The following SCAF8 variants were observed in gnomAD, a reference collection of about 807,000 sequenced individuals.
SCAF8 encodes the protein SR-related and CTD-associated factor 8.
A neutral mutation model predicts 140.5 loss-of-function variants in SCAF8; 23 were observed. The ratio of observed to expected loss-of-function variants is 0.16; its 90% CI spans 0.12 to 0.23. The LOEUF is 0.23. SCAF8 is among the 10% of genes least tolerant of loss of function. SCAF8 has a pLI of 1.00. For synonymous variants in SCAF8, 575 were observed against 528.9 expected (o/e 1.09, Z -1.20); for missense variants, 1,397 against 1,555.7 (o/e 0.90, Z 1.72).
rs770200440 is a variant in SCAF8, at chr6:154,832,900, A to G, written c.3321A>G (p.Leu1107=). The G allele has an allele frequency of 3.1e-6, 5 of 1,613,952 alleles. No homozygotes were observed. Among genetic ancestry groups the G allele is most frequent in the African/African-American group, 1.3e-5 (1 of 74,904 alleles). The change falls in exon 20 of 20, where the codon CTA becomes CTG. Residue 1107 remains leucine (L), a synonymous_variant. Transcript: ENST00000367178. Reference sequence around the variant, plus strand: ...TTGATGAGAGAGAGCATCGGGTTCTACCGGTCTATGGTGGTCCAAAAGGCT... The same window carrying G: ...TTGATGAGAGAGAGCATCGGGTTCTGCCGGTCTATGGTGGTCCAAAAGGCT... ...GDFDEREHRV[L]PVYGGPKGLH...
intron 3 of SCAF8, among the ~76,000 whole-genome samples, chr6:154,782,356 C>G (rs956689731): frequency 1.3e-5 from 2 of 152,148 alleles, no homozygotes; most frequent in Non-Finnish European, 2.9e-5. Flanking sequence ...GAAGTTGAGG[C>G]TGTAGTGAAC....
At chr6:154,742,051 C>T (rs1444531993) in intron 1 of SCAF8, 1 of 1,433,204 alleles carries the variant, frequency 7.0e-7, no homozygotes, top group Non-Finnish European at 9.5e-7. Context: ...AAGGCAGGCC[C>T]TTTGGAATAT....
At chr6:154,774,816 C>T (rs1776871972) in intron 2 of SCAF8, among the ~76,000 whole-genome samples, 1 of 152,122 alleles carries the variant, frequency 6.6e-6, no homozygotes, top group African/African-American at 2.4e-5. Flanking sequence ...GAGAAATAAA[C>T]ATATGCGCAA....
intron 4 of SCAF8, among the ~76,000 whole-genome samples, chr6:154,790,196 T>C (rs2114874388): frequency 6.6e-6 from 1 of 152,292 alleles, no homozygotes; most frequent in East Asian, 1.9e-4. Context: ...CTGGCCAGTT[T>C]TAAAGTATAT....
intron 1 of SCAF8, among the ~76,000 whole-genome samples, chr6:154,738,674 T>G (rs889032796): frequency 5.3e-5 from 8 of 152,234 alleles, no homozygotes; most frequent in Non-Finnish European, 2.9e-5. Flanking sequence ...CTATTGCAGT[T>G]GCTGCTGCTC....
At chr6:154,735,999 TA>T (rs1340543318) in intron 1 of SCAF8, among the ~76,000 whole-genome samples, 1 of 151,978 alleles carries the variant, frequency 6.6e-6, no homozygotes, top group African/African-American at 2.4e-5. Context: ...CCGTCATTTT[TA>T]TTTTTTATAG....
intron 3 of SCAF8, 49 bp downstream of exon 3, chr6:154,778,094 T>C (rs1442062473): frequency 1.9e-6 from 2 of 1,034,784 alleles, no homozygotes; most frequent in Non-Finnish European, 1.5e-6. Context: ...GATTAATGCC[T>C]GTACTCTTCT....
At position 154,833,437 on chromosome 6, in the gene SCAF8, A is replaced by C. The variant is rs771497206; in HGVS notation, c.*42A>C. 4 of 1,571,610 alleles carry C rather than the reference A, an allele frequency of 2.5e-6. No homozygotes were observed. The highest frequency in any genetic ancestry group is 3.5e-6 in the Non-Finnish European group (4 of 1,158,706). On this transcript the variant is annotated 3_prime_UTR_variant, in exon 20 of 20. Coordinates refer to ENST00000367178, the MANE Select transcript of SCAF8 (RefSeq NM_014892.5). ...AAAAGATACCTTTTGTAAAGTTGTC[A>C]TCTCTCTGTAATAGATAATGGCTGA...
intron 1 of SCAF8, among the ~76,000 whole-genome samples, chr6:154,752,228 G>T (rs1209850821): frequency 6.6e-6 from 1 of 152,164 alleles, no homozygotes; most frequent in East Asian, 1.9e-4. Flanking sequence ...ACAGATGACA[G>T]TTGGCCGCCA....
At position 154,795,108 on chromosome 6, in the gene SCAF8, C is replaced by T; in HGVS notation, c.575C>T (p.Ala192Val). 1 of 1,612,586 alleles carries T rather than the reference C, an allele frequency of 6.2e-7. No individual in the cohort carries two copies. Among genetic ancestry groups the T allele is most frequent in the Non-Finnish European group, 8.5e-7 (1 of 1,179,578 alleles). Reference protein sequence around the residue: ...ITNTDTLAAVAQILQSPQGQQ... With the variant: ...ITNTDTLAAVVQILQSPQGQQ... The stretch of plus-strand genomic sequence containing the variant: ...AATACAGATACACTTGCGGCTGTAG[C>T]TCAGATCTTGCAAAGTCCTCAAGGC... The change falls in exon 6 of 20, where the codon GCT becomes GTT. Residue 192 changes from alanine to valine, a missense_variant. Ala to Val is a moderately conservative substitution (Grantham distance 64). Transcript: ENST00000367178.
At chr6:154,739,073 A>C (rs999762714) in intron 1 of SCAF8, among the ~76,000 whole-genome samples, 1 of 151,872 alleles carries the variant, frequency 6.6e-6, no homozygotes, top group Non-Finnish European at 1.5e-5. Flanking sequence ...GTAACCTCGA[A>C]CTCCTGGGCT....
Position 154,733,890 on chromosome 6 carries a change from G to A in SCAF8, c.-11G>A. 4 of 1,544,446 alleles carry A rather than the reference G, an allele frequency of 2.6e-6. No homozygotes were observed. Among genetic ancestry groups the A allele is most frequent in the East Asian group, 2.7e-5 (1 of 37,300 alleles). On this transcript the variant is annotated 5_prime_UTR_variant, in exon 1 of 20. Coordinates refer to ENST00000367178, the MANE Select transcript of SCAF8 (RefSeq NM_014892.5). ...TTCCGCCGCCGGGCTCGGGGCCTCC[G>A]CAGCGACAACATGGAGGCCGTGAAG...
At chr6:154,794,077 A>T (rs1328811694) in intron 5 of SCAF8, among the ~76,000 whole-genome samples, 1 of 151,672 alleles carries the variant, frequency 6.6e-6, no homozygotes, top group Non-Finnish European at 1.5e-5. Flanking sequence ...ATGCACTACC[A>T]TGCCTGGCTA....
rs1778809281 is a variant in SCAF8 at position 154,833,345 on chromosome 6, G to C, written c.3766G>C (p.Asp1256His). The change falls in exon 20 of 20, where the codon GAT becomes CAT. Residue 1256 changes from aspartate to histidine, a missense_variant. This residue lies in a region of SCAF8 where 930 missense variants were observed against 874.6 expected (regional missense o/e 1.06). Transcript: ENST00000367178. ...INKEKSDTVA[D>H]IESEPVVEST... ...CAAGGAGAAGAGTGACACAGTTGCT[G>C]ATATAGAAAGTGAACCAGTGGTAGA... 1 of 1,613,796 alleles carries C rather than the reference G, an allele frequency of 6.2e-7. No individual in the cohort carries two copies. Among genetic ancestry groups the C allele is most frequent in the African/African-American group, 1.3e-5 (1 of 74,922 alleles).
intron 5 of SCAF8, among the ~76,000 whole-genome samples, 159 bp from the exon 6 acceptor site, chr6:154,794,850 A>G (rs910161150): frequency 2.1e-5 from 3 of 143,886 alleles, no homozygotes; most frequent in Admixed American, 7.2e-5. Flanking sequence ...CTAATTCTGT[A>G]AAGGATTTTA....
Position 154,803,269 on chromosome 6 carries a change from T to C in SCAF8, c.784-275T>C, listed in dbSNP as rs140928131. Among the ~76,000 whole-genome samples, 27 of 152,324 alleles carry C rather than the reference T, an allele frequency of 1.8e-4. No homozygotes were observed. The East Asian group carries it at 4.8e-3, about 27-fold the overall frequency. On this transcript the variant is annotated intron_variant, in intron 7 of 19. Transcript: ENST00000367178. The stretch of plus-strand genomic sequence containing the variant: ...TTATTACCATGGAAAAACCACCTAA[T>C]TATTTTAATTCTTAGTCTTCTGTAA...
chr6:154,733,425 G>A lies in SCAF8; in HGVS notation c.-476G>A, dbSNP rs1316218965. On this transcript the variant is annotated 5_prime_UTR_variant, in exon 1 of 20. It removes an upstream start codon present in the reference 5' UTR. Coordinates refer to ENST00000367178, the MANE Select transcript of SCAF8 (RefSeq NM_014892.5). ...CCGACTCGAGTCCGCCATATTGGAT[G>A]CCGCAGCCGCTGCTGCCAGCGCTTC... The A allele has an allele frequency of 3.6e-6, 5 of 1,402,096 alleles. No individual in the cohort carries two copies. The highest frequency in any genetic ancestry group is 3.0e-5 in the African/African-American group (2 of 66,520). 86.9% of individuals were successfully genotyped at this position (1,402,096 alleles called of 1,614,324 possible).
At position 154,833,302 on chromosome 6, in the gene SCAF8, A is replaced by C. The variant is rs756904399; in HGVS notation, c.3723A>C (p.Thr1241=). 6.2e-7 allele frequency: 1 copy of C among 1,614,044 alleles called. No individual in the cohort carries two copies. The highest frequency in any genetic ancestry group is 8.5e-7 in the Non-Finnish European group (1 of 1,179,964). Residue 1241 remains threonine (T), a synonymous_variant, in exon 20 of 20, where the codon ACA becomes ACC. Transcript: ENST00000367178. ...QNDPELYEKL[T]SSNEINKEKS... The stretch of plus-strand genomic sequence containing the variant: ...ATCCTGAACTTTATGAAAAACTGAC[A>C]TCTTCAAATGAAATAAACAAGGAGA...
At position 154,794,771 on chromosome 6, in the gene SCAF8, G is replaced by T. The variant is rs1263155560; in HGVS notation, c.476-238G>T. Among the ~76,000 whole-genome samples the T allele has an allele frequency of 1.1e-3, 59 of 55,156 alleles. 2 individuals carry two copies. Among genetic ancestry groups the T allele is most frequent in the East Asian group, 5.0e-3 (5 of 1,010 alleles). 36.2% of individuals were successfully genotyped at this position (55,156 alleles called of 152,430 possible). A position where few individuals can be genotyped will look rare whatever the true frequency, so the allele number is the denominator to read the frequency against. Reference sequence around the variant, plus strand: ...CAGATCCTTTTGGTGGGGGGGGGGGGGTGTGGGGGGTGTGTGTGTGTGTGT... The same window carrying T: ...CAGATCCTTTTGGTGGGGGGGGGGGTGTGTGGGGGGTGTGTGTGTGTGTGT... On this transcript the variant is annotated intron_variant, in intron 5 of 19. Coordinates refer to ENST00000367178, the MANE Select transcript of SCAF8 (RefSeq NM_014892.5).
Sources: allele counts gnomAD v4.1 joint callset (sites outside exome capture counted in the v4.1 genomes callset), GRCh38; gene constraint gnomAD v4.1.1; regional missense constraint gnomAD v4.1.1; transcripts MANE v1.5; gene names NCBI Gene and HGNC (gene_info 2026-07-23, HGNC 2026-07-21).